TMPRSS15: variants seen among roughly 807,000 people sequenced by gnomAD.
TMPRSS15 encodes the protein enteropeptidase.
In TMPRSS15, 128 loss-of-function variants were observed where a neutral mutation model predicts 125.3. The ratio of observed to expected loss-of-function variants is 1.02; its 90% CI spans 0.89 to 1.18. The LOEUF is 1.18. TMPRSS15 is among the 50% of genes most tolerant of loss of function. The probability of loss-of-function intolerance (pLI) is 0.00; values close to 1 mark genes in which losing one functional copy is unlikely to be tolerated. For missense variants in TMPRSS15, 1,283 were observed against 1,212.7 expected (o/e 1.06, Z -0.86); for synonymous variants, 446 against 423.2 (o/e 1.05, Z -0.66).
At chr21:18,400,086 C>T (rs1569057779) in intron 1 of TMPRSS15, among the ~76,000 whole-genome samples, 1 of 152,040 alleles carries the variant, frequency 6.6e-6, no homozygotes, top group Non-Finnish European at 1.5e-5. Flanking sequence ...ATAACACAAA[C>T]AAATGGAAAT....
intron 23 of TMPRSS15, among the ~76,000 whole-genome samples, chr21:18,276,828 C>T (rs2074628018): frequency 6.7e-6 from 1 of 148,150 alleles, no homozygotes; most frequent in Admixed American, 6.8e-5. Context: ...GGCGCAATCT[C>T]GGCTCACTGC....
chr21:18,369,891 A>G (rs781531193), intron 6 of TMPRSS15, among the ~76,000 whole-genome samples: 12 of 151,426 alleles, frequency 7.9e-5, no homozygotes, highest in Non-Finnish European at 1.5e-4. Context: ...GGATAAAAAT[A>G]GATTCATTGA....
chr21:18,337,499 C>T (rs2075403419), intron 13 of TMPRSS15, among the ~76,000 whole-genome samples: 1 of 152,156 alleles, frequency 6.6e-6, no homozygotes, highest in Non-Finnish European at 1.5e-5. Flanking sequence ...AAAGTGTACT[C>T]AGCGCAATCC....
At chr21:18,382,557 T>C (rs986240200) in intron 4 of TMPRSS15, among the ~76,000 whole-genome samples, 1 of 152,202 alleles carries the variant, frequency 6.6e-6, no homozygotes, top group South Asian at 2.1e-4. Flanking sequence ...TGGATGTTTT[T>C]ATGTATTTGA....
At chr21:18,373,726 T>G (rs1452130978) in intron 5 of TMPRSS15, among the ~76,000 whole-genome samples, 1 of 152,194 alleles carries the variant, frequency 6.6e-6, no homozygotes, top group Non-Finnish European at 1.5e-5. Flanking sequence ...GTCCTAATGC[T>G]TCTCATGGGA....
chr21:18,355,250 G>A (rs956322577), intron 8 of TMPRSS15, among the ~76,000 whole-genome samples: 16 of 151,794 alleles, frequency 1.1e-4, no homozygotes, highest in African/African-American at 3.9e-4. Flanking sequence ...TTTATTCCAT[G>A]GCAATGGAAT....
In TMPRSS15 at chr21:18,363,251, C is replaced by G. The variant is rs144786873; in HGVS notation, c.773+1889G>C. Among the ~76,000 whole-genome samples, 195 of 152,078 alleles carry G rather than the reference C, an allele frequency of 1.3e-3. 1 individual carries two copies. The highest frequency in any genetic ancestry group is 4.3e-3 in the African/African-American group (178 of 41,488). ...AAAGTACACTGTTTTGGGGTAACAT[C>G]TTAGGTTCTTCAGGTTTTTAAAATA... On this transcript the variant is annotated intron_variant, in intron 7 of 24. Coordinates refer to ENST00000284885, the MANE Select transcript of TMPRSS15 (RefSeq NM_002772.3).
intron 3 of TMPRSS15, among the ~76,000 whole-genome samples, chr21:18,388,372 A>C (rs889672681): frequency 6.6e-6 from 1 of 152,198 alleles, no homozygotes; most frequent in African/African-American, 2.4e-5. Context: ...GAGAAATAAA[A>C]GATTACTTAC....
At chr21:18,450,657 C>T (rs2076266219) in intron 1 of TMPRSS15, among the ~76,000 whole-genome samples, 2 of 151,632 alleles carry the variant, frequency 1.3e-5, no homozygotes, top group Admixed American at 1.3e-4. Flanking sequence ...TACCTGTGGG[C>T]CATGACCCAC....
intron 8 of TMPRSS15, among the ~76,000 whole-genome samples, chr21:18,358,009 A>G (rs2075642188): frequency 6.6e-6 from 1 of 151,828 alleles, no homozygotes; most frequent in Non-Finnish European, 1.5e-5. Context: ...GCAACTACCT[A>G]TTATAATATA....
At chr21:18,475,019 C>T (rs1466489687) in intron 1 of TMPRSS15, among the ~76,000 whole-genome samples, 6 of 152,052 alleles carry the variant, frequency 3.9e-5, no homozygotes, top group Non-Finnish European at 7.4e-5. Context: ...TATAGAGTGC[C>T]CCCACTTCAG....
At chr21:18,417,004 T>C (rs1407519300) in intron 1 of TMPRSS15, among the ~76,000 whole-genome samples, 1 of 152,124 alleles carries the variant, frequency 6.6e-6, no homozygotes, top group Non-Finnish European at 1.5e-5. Flanking sequence ...ACATTTTGAC[T>C]AATAATACAA....
chr21:18,305,068 C>G (rs1012084587), intron 18 of TMPRSS15, among the ~76,000 whole-genome samples: 1 of 151,464 alleles, frequency 6.6e-6, no homozygotes, highest in African/African-American at 2.4e-5. Context: ...GTTCTCAACT[C>G]TAGAATGCAC....
chr21:18,442,480 T>C (rs913239225), intron 1 of TMPRSS15, among the ~76,000 whole-genome samples: 1 of 152,246 alleles, frequency 6.6e-6, no homozygotes, highest in Non-Finnish European at 1.5e-5. Context: ...TATAAAGTAG[T>C]TATTTATATT....
At chr21:18,413,711 A>G (rs2076173187) in intron 1 of TMPRSS15, among the ~76,000 whole-genome samples, 1 of 150,752 alleles carries the variant, frequency 6.6e-6, no homozygotes, top group Non-Finnish European at 1.5e-5. Flanking sequence ...TACAGGCGTG[A>G]GCCACCGCGT....
At chr21:18,328,310 T>C (rs2075312806) in intron 15 of TMPRSS15, among the ~76,000 whole-genome samples, 1 of 152,122 alleles carries the variant, frequency 6.6e-6, no homozygotes, top group Non-Finnish European at 1.5e-5. Flanking sequence ...CTCAGGTACC[T>C]ACACAGAAGC....
chr21:18,484,369 A>G (rs1252009009), intron 1 of TMPRSS15, among the ~76,000 whole-genome samples: 2 of 151,864 alleles, frequency 1.3e-5, no homozygotes, highest in East Asian at 1.9e-4. Context: ...AGTTTAACAT[A>G]AAAAGTTTAA....
At chr21:18,372,098 A>ATGTATG (rs1555906196) in intron 6 of TMPRSS15, 95 bp downstream of exon 6, 1 of 537,612 alleles carries the variant, frequency 1.9e-6, no homozygotes, top group Non-Finnish European at 3.0e-6. Context: ...TGAGATTAGA[A>ATGTATG]TGTGTGTGTG....
At chr21:18,273,468 G>T (rs551626102) in intron 24 of TMPRSS15, among the ~76,000 whole-genome samples, 1 of 152,126 alleles carries the variant, frequency 6.6e-6, no homozygotes, top group Non-Finnish European at 1.5e-5. Context: ...ATTATACAAG[G>T]TATTACCTTA....
Sources: gnomAD v4.1 joint callset for allele counts (sites outside exome capture counted in the v4.1 genomes callset) on GRCh38, gnomAD v4.1.1 for gene constraint, MANE v1.5 for transcripts, NCBI Gene and HGNC (gene_info 2026-07-23, HGNC 2026-07-21) for gene names.